Variants in PSD3 observed in about 807,000 individuals in gnomAD.
PSD3 encodes the protein pleckstrin and Sec7 domain containing 3, also known as PH and SEC7 domain-containing protein 3.
PSD3 carries 49 observed loss-of-function variants against 105.5 expected under a neutral mutation model. The observed-to-expected ratio is 0.46, with a 90% CI of 0.37 to 0.59. The LOEUF (loss-of-function observed/expected upper bound fraction) is 0.59. Among genes scored for constraint, PSD3 ranks in the 20% least tolerant of loss-of-function variants. The probability of loss-of-function intolerance (pLI) is 0.00; values close to 1 mark genes in which losing one functional copy is unlikely to be tolerated. For synonymous variants in PSD3, 557 were observed against 457.8 expected (o/e 1.22, Z -2.77); for missense variants, 1,561 against 1,263.8 (o/e 1.24, Z -3.57).
At chr8:18,658,686 C>T (rs558678255) in intron 9 of PSD3, among the ~76,000 whole-genome samples, 1 of 152,126 alleles carries the variant, frequency 6.6e-6, no homozygotes, top group South Asian at 2.1e-4. Context: ...CTTGATCAAT[C>T]CTACTCTGAT....
chr8:18,579,193 G>T (rs1205197083), intron 12 of PSD3, among the ~76,000 whole-genome samples: 1 of 150,866 alleles, frequency 6.6e-6, no homozygotes, highest in Non-Finnish European at 1.5e-5. Context: ...TTAAAAAAAT[G>T]ACTTTATCCT....
intron 1 of PSD3, among the ~76,000 whole-genome samples, chr8:18,952,991 A>G (rs926011416): frequency 2.0e-5 from 3 of 152,340 alleles, no homozygotes; most frequent in Admixed American, 6.5e-5. Context: ...TCTGCAACAT[A>G]TATTTAAATA....
chr8:19,032,897 T>C (rs147646639), intron 1 of PSD3, among the ~76,000 whole-genome samples: 3 of 152,216 alleles, frequency 2.0e-5, no homozygotes, highest in Non-Finnish European at 2.9e-5. Context: ...GCTAGTTTAA[T>C]GGTCAAAAAA....
intron 9 of PSD3, among the ~76,000 whole-genome samples, chr8:18,736,240 T>TA (rs1400088655): frequency 1.3e-5 from 2 of 152,174 alleles, no homozygotes; most frequent in Non-Finnish European, 2.9e-5. Flanking sequence ...CTCTGCCACT[T>TA]ACTGTGAAAT....
At chr8:18,707,345 C>T (rs375055972) in intron 9 of PSD3, among the ~76,000 whole-genome samples, 15 of 152,236 alleles carry the variant, frequency 9.9e-5, no homozygotes, top group Middle Eastern at 3.4e-3. Context: ...TATACACAGC[C>T]CACAGCAACA....
intron 1 of PSD3, among the ~76,000 whole-genome samples, chr8:18,963,985 T>C (rs1315157557): frequency 1.3e-5 from 2 of 152,192 alleles, no homozygotes. Context: ...AGAGAAGAAA[T>C]AATGTCTTAG....
intron 1 of PSD3, among the ~76,000 whole-genome samples, chr8:19,028,299 C>CTT (rs397689140): frequency 0.06 from 5,767 of 96,074 alleles, 741 homozygotes; most frequent in African/African-American, 0.22. Context: ...CCGGCCCACC[C>CTT]TTTTTTTTTT....
At chr8:18,671,825 G>A (rs1799801018) in intron 9 of PSD3, among the ~76,000 whole-genome samples, 1 of 152,042 alleles carries the variant, frequency 6.6e-6, no homozygotes, top group Non-Finnish European at 1.5e-5. Context: ...TAGAGATGGG[G>A]TTTCACCGTG....
At chr8:18,541,192 G>GC (rs1800132312) in intron 15 of PSD3, among the ~76,000 whole-genome samples, 1 of 145,080 alleles carries the variant, frequency 6.9e-6, no homozygotes, top group Non-Finnish European at 1.5e-5. Flanking sequence ...TTCCTCCTTT[G>GC]CCCCCCAATA....
In PSD3 at chr8:18,916,373, CACACA is replaced by C. The variant is rs1446247607; in HGVS notation, c.130+19656_130+19660del. 8.7e-5 allele frequency among the ~76,000 whole-genome samples: 7 copies of C among 80,406 alleles called. 1 individual carries two copies. The highest frequency in any genetic ancestry group is 3.1e-4 in the African/African-American group (6 of 19,470). The allele number at this position is 80,406 out of a possible 152,430, so 52.7% of individuals were successfully genotyped here. A position where few individuals can be genotyped will look rare whatever the true frequency, so the allele number is the denominator to read the frequency against. On this transcript the variant is annotated intron_variant, in intron 2 of 15. Coordinates refer to ENST00000327040, the MANE Select transcript of PSD3 (RefSeq NM_015310.4). ...ATACACACACACACACACACACACA[CACACA>C]AACAGAATACTATACAGCCTTAAAA...
intron 8 of PSD3, among the ~76,000 whole-genome samples, chr8:18,781,359 T>A (rs779197226): frequency 6.6e-6 from 1 of 152,120 alleles, no homozygotes; most frequent in East Asian, 1.9e-4. Context: ...GTCTTGGGAG[T>A]AAAGGCACAG....
At chr8:19,079,551 G>C (rs1009397725) in intron 1 of PSD3, among the ~76,000 whole-genome samples, 1 of 152,144 alleles carries the variant, frequency 6.6e-6, no homozygotes, top group Non-Finnish European at 1.5e-5. Flanking sequence ...AGTCAAACAG[G>C]CTTGAATAAC....
In PSD3 at chr8:18,903,209, G is replaced by T. The variant is rs1223619295; in HGVS notation, c.131-30476C>A. Among the ~76,000 whole-genome samples, 7 of 152,298 alleles carry T rather than the reference G, an allele frequency of 4.6e-5. No homozygotes were observed. In the East Asian group the frequency reaches 9.7e-4, roughly 21 times the overall value. The stretch of plus-strand genomic sequence containing the variant: ...AGCACTCACCCAACTCCAGGAAAGT[G>T]ATACTCTGAAGGTTTAGGCTCAAGG... On this transcript the variant is annotated intron_variant, in intron 2 of 15. Coordinates refer to ENST00000327040, the MANE Select transcript of PSD3 (RefSeq NM_015310.4).
In PSD3 at chr8:18,871,960, G is replaced by C; in HGVS notation, c.904C>G (p.Gln302Glu). The C allele has an allele frequency of 6.2e-7, 1 of 1,614,118 alleles. No homozygotes were observed. Among genetic ancestry groups the C allele is most frequent in the Non-Finnish European group, 8.5e-7 (1 of 1,180,022 alleles). The change falls in exon 3 of 16, where the codon CAA (glutamine) becomes GAA (glutamate). Residue 302 changes from glutamine to glutamate, a missense_variant. By Grantham distance (29) the Gln-to-Glu change is conservative (BLOSUM62 2). Coordinates refer to ENST00000327040, the MANE Select transcript of PSD3 (RefSeq NM_015310.4). ...RPGRVKHVEF[Q>E]GVEILWTGGD... ...CCTGTCCACAGTATTTCCACTCCTT[G>C]AAATTCCACATGTTTGACCCGGCCT...
Position 18,844,922 on chromosome 8 carries a change from A to T in PSD3, c.1634+22752T>A, listed in dbSNP as rs541718466. Among the ~76,000 whole-genome samples the T allele has an allele frequency of 1.6e-4, 25 of 152,332 alleles. No individual in the cohort carries two copies. The South Asian group carries it at 5.0e-3, about 30-fold the overall frequency. On this transcript the variant is annotated intron_variant, in intron 4 of 15. Transcript: ENST00000327040. ...AGTGTTTCATACAAAGCTGGTTACA[A>T]TGATCAGTTCATTCCAAATTGGTGG...
chr8:18,872,513 G>A lies in PSD3; in HGVS notation c.351C>T (p.Ala117=). The A allele has an allele frequency of 1.2e-6, 2 of 1,614,074 alleles. No individual in the cohort carries two copies. Among genetic ancestry groups the A allele is most frequent in the Non-Finnish European group, 1.7e-6 (2 of 1,180,002 alleles). ...VTEGPKDVRE[A]PSQSHLKEQS... ...GTTCCTTGAGATGACTTTGAGAGGG[G>A]GCCTCTCTGACATCTTTTGGTCCTT... Residue 117 remains alanine, a synonymous_variant, in exon 3 of 16, where the codon GCC becomes GCT. Transcript: ENST00000327040.
At chr8:18,657,943 C>G (rs1311981590) in intron 9 of PSD3, among the ~76,000 whole-genome samples, 1 of 152,212 alleles carries the variant, frequency 6.6e-6, no homozygotes, top group Non-Finnish European at 1.5e-5. Flanking sequence ...ACATTCATTT[C>G]TGTTCTAGCA....
chr8:18,548,921 T>G (rs143451362), intron 15 of PSD3, among the ~76,000 whole-genome samples: 2 of 152,294 alleles, frequency 1.3e-5, no homozygotes, highest in East Asian at 3.9e-4. Context: ...GCTTTCAATC[T>G]TTCTCAACCA....
chr8:18,871,626 C>T lies in PSD3; in HGVS notation c.1238G>A (p.Arg413Lys), dbSNP rs528831530. Residue 413 changes from arginine (R) to lysine (K), a missense_variant and splice_region_variant, in exon 3 of 16, where the codon AGG (arginine) becomes AAG (lysine). Arg to Lys is a conservative substitution (Grantham distance 26). Coordinates refer to ENST00000327040, the MANE Select transcript of PSD3 (RefSeq NM_015310.4). ...CAGCAGGGCTACTATGGGAGCTCACCTTTCCCTGTCTCTCTCTGGTTTAGG... is the reference window on the plus strand; with the variant it reads ...CAGCAGGGCTACTATGGGAGCTCACTTTTCCCTGTCTCTCTCTGGTTTAGG... ...KTPKPERDRE[R>K]ISEQEEHVKG... is the part of the protein sequence containing the mutation. 6.3e-7 allele frequency: 1 copy of T among 1,597,046 alleles called. No homozygotes were observed. Among genetic ancestry groups the T allele is most frequent in the South Asian group, 1.1e-5 (1 of 87,512 alleles).
Sources: gnomAD v4.1 joint callset for allele counts (sites outside exome capture counted in the v4.1 genomes callset) on GRCh38, gnomAD v4.1.1 for gene constraint, MANE v1.5 for transcripts, NCBI Gene and HGNC (gene_info 2026-07-23, HGNC 2026-07-21) for gene names.